ZMYM1: variants seen among roughly 807,000 people sequenced by gnomAD.
ZMYM1 encodes zinc finger MYM-type containing 1.
ZMYM1 carries 39 observed loss-of-function variants against 60.0 expected under a neutral mutation model. That is an observed-to-expected ratio of 0.65 (90% CI 0.50 to 0.85). The LOEUF is 0.85. Among genes scored for constraint, ZMYM1 ranks in the 40% least tolerant of loss-of-function variants. The pLI is 0.00. For missense variants in ZMYM1, 1,171 were observed against 1,309.5 expected (o/e 0.89, Z 1.63); for synonymous variants, 413 against 454.0 (o/e 0.91, Z 1.15).
chr1:35,078,526 G>A (rs1642214458), upstream of ZMYM1, among the ~76,000 whole-genome samples: 1 of 141,460 alleles, frequency 7.1e-6, no homozygotes, highest in East Asian at 2.6e-4. Context: ...ATGCAGTTTG[G>A]GGTTATTTTA....
At chr1:35,077,294 C>T (rs1642183974), upstream of ZMYM1, among the ~76,000 whole-genome samples, 1 of 152,138 alleles carries the variant, frequency 6.6e-6, no homozygotes, top group Non-Finnish European at 1.5e-5. Flanking sequence ...GAGATCTAAC[C>T]TAATGGACTC....
chr1:35,088,062 G>GA (rs896230468), intron 1 of ZMYM1, among the ~76,000 whole-genome samples: 11 of 149,224 alleles, frequency 7.4e-5, no homozygotes, highest in South Asian at 2.1e-4. Flanking sequence ...TCCATCTCAA[G>GA]AAAAAAAAAT....
At position 35,114,169 on chromosome 1, in the gene ZMYM1, T is replaced by C. The variant is rs769623458; in HGVS notation, c.2339T>C (p.Met780Thr). ...AGTTCTTTGTTCAACACTATTTGTATGTCTGGGGAAATGTTGGCAAATTTT... is the reference window on the plus strand; with the variant it reads ...AGTTCTTTGTTCAACACTATTTGTACGTCTGGGGAAATGTTGGCAAATTTT... ...TLSSLFNTICMSGEMLANFRN... is the reference protein window; with the variant it reads ...TLSSLFNTICTSGEMLANFRN... The change falls in exon 10 of 10, where the codon ATG becomes ACG. Residue 780 changes from methionine (M) to threonine (T), a missense_variant. Coordinates refer to ENST00000359858, the MANE Select transcript of ZMYM1 (RefSeq NM_024772.5). 2 of 1,611,240 alleles carry C rather than the reference T, an allele frequency of 1.2e-6. No individual in the cohort carries two copies. The highest frequency in any genetic ancestry group is 1.7e-6 in the Non-Finnish European group (2 of 1,179,306).
rs151190567 is a variant in ZMYM1, at chr1:35,066,355, G to A, written c.-301+6430G>A. On this transcript the variant is annotated intron_variant, in intron 1 of 10. Coordinates refer to the ZMYM1 transcript ENST00000417119. ...TGGGATTACAGGCACACGCCACCACGCCCAGCTAATTTTTGCATTTTTAGT... is the reference window on the plus strand; with the variant it reads ...TGGGATTACAGGCACACGCCACCACACCCAGCTAATTTTTGCATTTTTAGT... Among the ~76,000 whole-genome samples the A allele has an allele frequency of 7.1e-3, 1,080 of 152,118 alleles. 12 individuals are homozygous for A. Among genetic ancestry groups the A allele is most frequent in the African/African-American group, 0.024 (999 of 41,510 alleles).
At chr1:35,078,792 A>G (rs1004806418), upstream of ZMYM1, among the ~76,000 whole-genome samples, 1 of 151,530 alleles carries the variant, frequency 6.6e-6, no homozygotes, top group Non-Finnish European at 1.5e-5. Flanking sequence ...CAAGCAGTCC[A>G]CCCGCCTCGG....
At chr1:35,090,149 A>G (rs201775383) in intron 1 of ZMYM1, among the ~76,000 whole-genome samples, 1 of 151,724 alleles carries the variant, frequency 6.6e-6, no homozygotes, top group East Asian at 1.9e-4. Context: ...CTCGTGATCC[A>G]CCCACCTCGG....
intron 1 of ZMYM1, among the ~76,000 whole-genome samples, chr1:35,080,606 T>C (rs1642335880): frequency 6.6e-6 from 1 of 151,820 alleles, no homozygotes; most frequent in Admixed American, 6.6e-5. Flanking sequence ...CTTGAGCCAC[T>C]GTGCCCGGCT....
chr1:35,090,066 C>T (rs569789206), intron 1 of ZMYM1, among the ~76,000 whole-genome samples: 8 of 152,084 alleles, frequency 5.3e-5, no homozygotes, highest in Admixed American at 3.9e-4. Context: ...CCACCACGCC[C>T]GGCTAATTTT....
chr1:35,104,584 G>A lies in ZMYM1; in HGVS notation c.622G>A (p.Val208Met). The A allele has an allele frequency of 6.2e-7, 1 of 1,614,052 alleles. No individual in the cohort carries two copies. Among genetic ancestry groups the A allele is most frequent in the African/African-American group, 1.3e-5 (1 of 75,008 alleles). ...IIQYEVKYQN[V>M]KHNLCSNACL... ...TCAGTATGAAGTAAAATACCAAAAT[G>A]TGAAACATAATCTTTGCAGTAATGC... is the stretch of plus-strand genomic sequence containing the variant. Residue 208 changes from valine (V) to methionine (M), a missense_variant, in exon 6 of 10, where the codon GTG (valine) becomes ATG (methionine). Transcript: ENST00000359858.
At chr1:35,061,050 G>A (rs1336334476) in intron 1 of ZMYM1, among the ~76,000 whole-genome samples, 1 of 152,208 alleles carries the variant, frequency 6.6e-6, no homozygotes, top group Non-Finnish European at 1.5e-5. Flanking sequence ...CCTAACTACT[G>A]TTCTCTGGCA....
At chr1:35,091,403 C>T (rs990554876) in intron 1 of ZMYM1, among the ~76,000 whole-genome samples, 7 of 151,972 alleles carry the variant, frequency 4.6e-5, no homozygotes, top group Admixed American at 6.6e-5. Flanking sequence ...TTAGTAGAGA[C>T]GGGGTTTCAC....
intron 6 of ZMYM1, among the ~76,000 whole-genome samples, chr1:35,105,379 C>T (rs1387275052): frequency 6.6e-6 from 1 of 151,956 alleles, no homozygotes; most frequent in Non-Finnish European, 1.5e-5. Context: ...CCTCGTGATC[C>T]ACCTGCCTTG....
intron 1 of ZMYM1, among the ~76,000 whole-genome samples, chr1:35,063,044 C>A (rs1168926055): frequency 6.6e-6 from 1 of 152,096 alleles, no homozygotes; most frequent in Non-Finnish European, 1.5e-5. Context: ...ACTCAGGGAC[C>A]CAGACTCCTT....
chr1:35,080,584 T>A (rs537439995), intron 1 of ZMYM1, among the ~76,000 whole-genome samples: 1 of 152,228 alleles, frequency 6.6e-6, no homozygotes, highest in South Asian at 2.1e-4. Flanking sequence ...CTCAAAGTGC[T>A]GGGATTACAG....
rs561278937 is a variant in ZMYM1, at chr1:35,063,940, A to G, written c.-301+4015A>G. Among the ~76,000 whole-genome samples, 5 of 152,326 alleles carry G rather than the reference A, an allele frequency of 3.3e-5. No homozygotes were observed. The South Asian group carries it at 1.0e-3, about 32-fold the overall frequency. On this transcript the variant is annotated intron_variant, in intron 1 of 10. Transcript: ENST00000417119. ...AATGGAGAATTTCCCTAAAAGGGAG[A>G]TCAAGGTGTTTACAGATAGGTGGAG...
At chr1:35,109,305 C>T (rs1036180907) in intron 6 of ZMYM1, among the ~76,000 whole-genome samples, 1 of 152,176 alleles carries the variant, frequency 6.6e-6, no homozygotes, top group African/African-American at 2.4e-5. Context: ...GTTGAGATTA[C>T]AGGCGTGAGC....
At chr1:35,080,959 TTG>T in intron 1 of ZMYM1, among the ~76,000 whole-genome samples, 1 of 152,218 alleles carries the variant, frequency 6.6e-6, no homozygotes, top group Non-Finnish European at 1.5e-5. Flanking sequence ...TTTTTTTTTT[TTG>T]AGACAGCATT....
At chr1:35,084,379 T>C (rs1642549875) in intron 1 of ZMYM1, among the ~76,000 whole-genome samples, 1 of 152,252 alleles carries the variant, frequency 6.6e-6, no homozygotes, top group Admixed American at 6.5e-5. Flanking sequence ...TACTGGATTC[T>C]GGAAATTTTG....
At chr1:35,063,361 G>A (rs190268569) in intron 1 of ZMYM1, among the ~76,000 whole-genome samples, 101 of 152,188 alleles carry the variant, frequency 6.6e-4, no homozygotes, top group African/African-American at 2.4e-3. Context: ...AGGCTAGAGT[G>A]CAGTGGCATG....
Sources: gnomAD v4.1 joint callset for allele counts (sites outside exome capture counted in the v4.1 genomes callset) on GRCh38, gnomAD v4.1.1 for gene constraint, MANE v1.5 for transcripts, NCBI Gene and HGNC (gene_info 2026-07-23, HGNC 2026-07-21) for gene names.